The following IRAG1 variants were observed in gnomAD, a reference collection of about 807,000 sequenced individuals.
IRAG1 encodes IP3R-associated cGMP kinase substrate.
IRAG1 carries 62 observed loss-of-function variants against 106.2 expected under a neutral mutation model. That is an observed-to-expected ratio of 0.58 (90% CI 0.48 to 0.72). The LOEUF is 0.72. IRAG1 is among the 30% of genes least tolerant of loss of function. The probability of loss-of-function intolerance (pLI) is 0.00; values close to 1 mark genes in which losing one functional copy is unlikely to be tolerated. For missense variants in IRAG1, 1,064 were observed against 1,140.7 expected (o/e 0.93, Z 0.97); for synonymous variants, 462 against 443.9 (o/e 1.04, Z -0.51).
At chr11:10,662,090 G>A (rs545727075) in intron 1 of IRAG1, among the ~76,000 whole-genome samples, 5 of 152,292 alleles carry the variant, frequency 3.3e-5, no homozygotes, top group African/African-American at 9.6e-5. Context: ...GAATGACACC[G>A]TATTTCTAAA....
chr11:10,602,787 G>A (rs1395121298), intron 14 of IRAG1, among the ~76,000 whole-genome samples: 1 of 152,152 alleles, frequency 6.6e-6, no homozygotes, highest in Non-Finnish European at 1.5e-5. Flanking sequence ...AAATACGTTT[G>A]GGAACTATGT....
At chr11:10,598,246 C>A (rs2134275213) in intron 15 of IRAG1, among the ~76,000 whole-genome samples, 1 of 152,324 alleles carries the variant, frequency 6.6e-6, no homozygotes, top group Middle Eastern at 3.4e-3. Context: ...AAGGAAGCTG[C>A]AGGGTCAGCT....
intron 1 of IRAG1, among the ~76,000 whole-genome samples, chr11:10,656,164 A>G (rs1170028297): frequency 2.0e-5 from 3 of 152,248 alleles, no homozygotes; most frequent in Admixed American, 2.0e-4. Context: ...CTAGAGCACC[A>G]ACCCATAAAA....
rs61892971 is a variant in IRAG1 at position 10,580,777 on chromosome 11, T to C, written c.2361-188A>G. 6.9e-3 allele frequency among the ~76,000 whole-genome samples: 1,050 copies of C among 152,314 alleles called. 6 individuals are homozygous for C. The highest frequency in any genetic ancestry group is 0.014 in the Middle Eastern group (4 of 294). On this transcript the variant is annotated intron_variant, in intron 19 of 20. Transcript: ENST00000423302. ...CAGCTCACGCCAGTACCATTTCCCC[T>C]CACTCCTCAGTCATCCTTCCTGTTT...
At chr11:10,623,667 A>G in intron 10 of IRAG1, 111 bp downstream of exon 10, 1 of 1,010,202 alleles carries the variant, frequency 9.9e-7, no homozygotes, top group Non-Finnish European at 1.5e-6. Context: ...TCACCAGCAA[A>G]TGTTTCCTGA....
chr11:10,646,689 T>TAAGTCAC (rs1857977226), intron 2 of IRAG1, among the ~76,000 whole-genome samples: 1 of 152,108 alleles, frequency 6.6e-6, no homozygotes, highest in Non-Finnish European at 1.5e-5. Flanking sequence ...GCAGTGACCT[T>TAAGTCAC]AAGTCACAAG....
In IRAG1 at chr11:10,595,537, T is replaced by C. The variant is rs1406205172; in HGVS notation, c.2018-1342A>G. 2.0e-5 allele frequency among the ~76,000 whole-genome samples: 3 copies of C among 152,196 alleles called. No homozygotes were observed. The East Asian group carries it at 5.8e-4, about 29-fold the overall frequency. ...AAATAATAACCCTCCCTCTTAATTA[T>C]ATTGCTTTCCAGGATTTTTATTTCA... On this transcript the variant is annotated intron_variant, in intron 15 of 20. Transcript: ENST00000423302.
chr11:10,653,011 C>T (rs1434309471), intron 1 of IRAG1, among the ~76,000 whole-genome samples: 2 of 152,084 alleles, frequency 1.3e-5, no homozygotes, highest in Admixed American at 6.5e-5. Context: ...ACTGGGGTCC[C>T]AGTGCTGATT....
intron 1 of IRAG1, among the ~76,000 whole-genome samples, chr11:10,675,145 G>A (rs1860552935): frequency 6.6e-6 from 1 of 152,248 alleles, no homozygotes; most frequent in African/African-American, 2.4e-5. Context: ...GAGCAGCAGT[G>A]AATTAATGTG....
chr11:10,626,321 C>T lies in IRAG1; in HGVS notation c.1013G>A (p.Gly338Asp). Reference protein sequence around the residue: ...SELGKQLLKTGWEGSPLPRSP... With the variant: ...SELGKQLLKTDWEGSPLPRSP... ...TCTCGGCAGAGGGCTGCCCTCCCAG[C>T]CCGTTTTCAAGAGCTGCTTCCCCAG... The change falls in exon 9 of 21, where the codon GGC becomes GAC. Residue 338 changes from glycine (G) to aspartate (D), a missense_variant. Coordinates refer to ENST00000423302, the MANE Select transcript of IRAG1 (RefSeq NM_130385.4). 2 of 1,613,350 alleles carry T rather than the reference C, an allele frequency of 1.2e-6. No individual in the cohort carries two copies. The highest frequency in any genetic ancestry group is 2.2e-5 in the East Asian group (1 of 44,862).
chr11:10,655,194 C>T lies in IRAG1; in HGVS notation c.68-3012G>A, dbSNP rs576836771. Among the ~76,000 whole-genome samples, 11 of 152,288 alleles carry T rather than the reference C, an allele frequency of 7.2e-5. No homozygotes were observed. The East Asian group carries it at 1.3e-3, about 19-fold the overall frequency. The stretch of plus-strand genomic sequence containing the variant: ...GGCTGTCTTAACAGGGGCATGGTTT[C>T]TAAAACATGGGAGGTGACTATTCCA... On this transcript the variant is annotated intron_variant, in intron 1 of 20. Coordinates refer to ENST00000423302, the MANE Select transcript of IRAG1 (RefSeq NM_130385.4).
chr11:10,599,143 G>A (rs1853663431), intron 15 of IRAG1, among the ~76,000 whole-genome samples: 1 of 152,206 alleles, frequency 6.6e-6, no homozygotes, highest in Non-Finnish European at 1.5e-5. Context: ...GAGTGAATGT[G>A]GGACTCTGTG....
intron 10 of IRAG1, among the ~76,000 whole-genome samples, chr11:10,615,428 C>G (rs1855316292): frequency 6.6e-6 from 1 of 152,194 alleles, no homozygotes; most frequent in South Asian, 2.1e-4. Flanking sequence ...CATCCCATTA[C>G]TGGATATATA....
intron 10 of IRAG1, among the ~76,000 whole-genome samples, chr11:10,617,821 T>C (rs1855544411): frequency 6.6e-6 from 1 of 152,180 alleles, no homozygotes; most frequent in African/African-American, 2.4e-5. Context: ...GCTGTCAAAC[T>C]ATCCTGTCCA....
intron 10 of IRAG1, among the ~76,000 whole-genome samples, chr11:10,620,181 G>GA (rs1312954964): frequency 3.3e-5 from 5 of 151,796 alleles, no homozygotes; most frequent in Admixed American, 6.6e-5. Context: ...TTTTAATAGA[G>GA]AAAAAAAGTG....
Position 10,576,228 on chromosome 11 carries a change from G to A in IRAG1, c.*104C>T, listed in dbSNP as rs185485799. 35 of 1,459,034 alleles carry A rather than the reference G, an allele frequency of 2.4e-5. No homozygotes were observed. Among genetic ancestry groups the A allele is most frequent in the Non-Finnish European group, 3.3e-5 (35 of 1,068,964 alleles). 90.4% of individuals were successfully genotyped at this position (1,459,034 alleles called of 1,614,324 possible). ...AAAGAACCCTTCCTCATGACCTGAT[G>A]GGATGGGCGGCAGTGTGTCCACACT... On this transcript the variant is annotated 3_prime_UTR_variant, in exon 21 of 21. Coordinates refer to ENST00000423302, the MANE Select transcript of IRAG1 (RefSeq NM_130385.4).
chr11:10,642,284 T>C (rs1372379083), intron 2 of IRAG1, among the ~76,000 whole-genome samples: 1 of 152,214 alleles, frequency 6.6e-6, no homozygotes, highest in African/African-American at 2.4e-5. Flanking sequence ...ATAGAAACAT[T>C]TAAATGTTTA....
chr11:10,665,278 T>C lies in IRAG1; in HGVS notation c.68-13096A>G, dbSNP rs908685534. ...CCTCTTTCTGCATTCCCTGCTACCA[T>C]TGGTGGGCCCAGCATCTGGCCAGAA... On this transcript the variant is annotated intron_variant, in intron 1 of 20. Coordinates refer to ENST00000423302, the MANE Select transcript of IRAG1 (RefSeq NM_130385.4). This position sits in a 1 kb window ranked among gnomAD's most constrained non-coding sequence, Gnocchi z 4.2. Among the ~76,000 whole-genome samples, 1 of 152,182 alleles carries C rather than the reference T, an allele frequency of 6.6e-6. No individual in the cohort carries two copies. Among genetic ancestry groups the C allele is most frequent in the African/African-American group, 2.4e-5 (1 of 41,454 alleles).
Position 10,628,645 on chromosome 11 carries a change from C to CT in IRAG1, c.652+105dup, listed in dbSNP as rs897683061. ...TGGGTGTGAAGGGGCCATCAGAGTTCTTGAAGGGGAAGCCTGCAGGCTGGG... is the reference window on the plus strand; with the variant it reads ...TGGGTGTGAAGGGGCCATCAGAGTTCTTTGAAGGGGAAGCCTGCAGGCTGGG... On this transcript the variant is annotated intron_variant, in intron 6 of 20. Transcript: ENST00000423302. The surrounding 1 kb of genome is among the most constrained non-coding windows in gnomAD (Gnocchi z 4.1). 14 of 987,512 alleles carry CT rather than the reference C, an allele frequency of 1.4e-5. No homozygotes were observed. In the African/African-American group the frequency reaches 2.4e-4, roughly 17 times the overall value. 61.2% of individuals were successfully genotyped at this position (987,512 alleles called of 1,614,324 possible).
Sources: allele counts gnomAD v4.1 joint callset (sites outside exome capture counted in the v4.1 genomes callset), GRCh38; gene constraint gnomAD v4.1.1; non-coding constraint Gnocchi (gnomAD v3.1); transcripts MANE v1.5; gene names NCBI Gene and HGNC (gene_info 2026-07-23, HGNC 2026-07-21).